Variants in SLC24A4 observed in about 807,000 individuals in gnomAD.
SLC24A4 encodes the protein solute carrier family 24 member 4.
SLC24A4 carries 53 observed loss-of-function variants against 79.0 expected under a neutral mutation model. The ratio of observed to expected loss-of-function variants is 0.67; its 90% CI spans 0.54 to 0.84. SLC24A4 has a LOEUF of 0.84. Ranked by LOEUF, SLC24A4 falls within the 40% of genes least tolerant of loss-of-function variation. The pLI, the probability that SLC24A4 is intolerant of heterozygous loss-of-function variation, is 0.00. For synonymous variants in SLC24A4, 323 were observed against 323.8 expected (o/e 1.00, Z 0.03); for missense variants, 731 against 822.0 (o/e 0.89, Z 1.35).
intron 2 of SLC24A4, among the ~76,000 whole-genome samples, chr14:92,369,484 G>T (rs1432308714): frequency 1.1e-4 from 17 of 152,186 alleles, no homozygotes. Flanking sequence ...CTAGAAGAAA[G>T]GAGACTGTGG....
intron 2 of SLC24A4, among the ~76,000 whole-genome samples, chr14:92,409,571 A>G (rs978588997): frequency 1.3e-5 from 2 of 152,196 alleles, no homozygotes; most frequent in Admixed American, 6.5e-5. Flanking sequence ...TGCCCATGTC[A>G]CCAGCATCCA....
At chr14:92,413,038 G>C (rs1408085734) in intron 2 of SLC24A4, among the ~76,000 whole-genome samples, 1 of 152,332 alleles carries the variant, frequency 6.6e-6, no homozygotes, top group Admixed American at 6.5e-5. Flanking sequence ...CTGCTTTCAT[G>C]CCACAGCGGC....
chr14:92,489,529 C>T (rs1031765773), intron 14 of SLC24A4, among the ~76,000 whole-genome samples: 2 of 152,120 alleles, frequency 1.3e-5, no homozygotes, highest in Non-Finnish European at 2.9e-5. Context: ...TGCTCTAACC[C>T]GAGGCACCAT....
rs115615175 is a variant in SLC24A4, at chr14:92,473,792, A to C, written c.1256-8888A>C. On this transcript the variant is annotated intron_variant, in intron 12 of 16. Transcript: ENST00000532405. ...CACAATTTTAGCCACATGCACGCCGAAATCGGTTCCAATTTCAGCATCCTC... is the reference window on the plus strand; with the variant it reads ...CACAATTTTAGCCACATGCACGCCGCAATCGGTTCCAATTTCAGCATCCTC... Among the ~76,000 whole-genome samples the C allele has an allele frequency of 8.3e-3, 1,262 of 152,232 alleles. 17 individuals are homozygous for C. Among genetic ancestry groups the C allele is most frequent in the African/African-American group, 0.029 (1,200 of 41,518 alleles).
intron 2 of SLC24A4, among the ~76,000 whole-genome samples, chr14:92,431,438 T>G (rs527609432): frequency 2.0e-5 from 3 of 152,326 alleles, no homozygotes; most frequent in Admixed American, 1.3e-4. Flanking sequence ...GTGGGACATC[T>G]GCAGTTCCAA....
chr14:92,471,503 C>A (rs1201158401), intron 12 of SLC24A4, among the ~76,000 whole-genome samples: 1 of 152,148 alleles, frequency 6.6e-6, no homozygotes, highest in Admixed American at 6.5e-5. Flanking sequence ...GAGGAAAGGG[C>A]AATGGGTATT....
At chr14:92,489,466 C>T (rs1895554527) in intron 14 of SLC24A4, among the ~76,000 whole-genome samples, 1 of 152,088 alleles carries the variant, frequency 6.6e-6, no homozygotes, top group South Asian at 2.1e-4. Flanking sequence ...GACAAAAGAT[C>T]CAGGAACCCC....
chr14:92,436,962 ATACC>A (rs1216168775), intron 3 of SLC24A4, among the ~76,000 whole-genome samples: 2 of 152,206 alleles, frequency 1.3e-5, no homozygotes, highest in African/African-American at 4.8e-5. Context: ...AATCCAGTAG[ATACC>A]TGCCTCAGAT....
Position 92,498,798 on chromosome 14 carries a change from A to G in SLC24A4, c.*5170A>G, listed in dbSNP as rs1314864739. 6.6e-6 allele frequency: 1 copy of G among 152,208 alleles called. No homozygotes were observed. The highest frequency in any genetic ancestry group is 1.5e-5 in the Non-Finnish European group (1 of 68,062). The allele number at this position is 152,208 out of a possible 1,614,324, so 9.4% of individuals were successfully genotyped here. A position where few individuals can be genotyped will look rare whatever the true frequency, so the allele number is the denominator to read the frequency against. ...CAGGCGTGAGCCACCGCACCTGGCC[A>G]AAAAAAGGCATTTTGATTTAGGTTG... On this transcript the variant is annotated 3_prime_UTR_variant, in exon 17 of 17. Transcript: ENST00000532405.
At chr14:92,393,922 A>G (rs1253432129) in intron 2 of SLC24A4, among the ~76,000 whole-genome samples, 2 of 151,390 alleles carry the variant, frequency 1.3e-5, no homozygotes, top group Non-Finnish European at 2.9e-5. Flanking sequence ...GAGGCAGGAG[A>G]ATCACTTGAA....
At chr14:92,366,857 A>G (rs1004991282) in intron 2 of SLC24A4, among the ~76,000 whole-genome samples, 1 of 152,122 alleles carries the variant, frequency 6.6e-6, no homozygotes, top group Non-Finnish European at 1.5e-5. Context: ...GATTACGTCC[A>G]TTTCTTTTCA....
chr14:92,407,731 A>G (rs1027207791), intron 2 of SLC24A4, among the ~76,000 whole-genome samples: 1 of 150,908 alleles, frequency 6.6e-6, no homozygotes, highest in Non-Finnish European at 1.5e-5. Flanking sequence ...GCAAGGGGGA[A>G]ATCTGCCCCT....
At chr14:92,424,502 A>G (rs1420984418) in intron 2 of SLC24A4, among the ~76,000 whole-genome samples, 1 of 152,160 alleles carries the variant, frequency 6.6e-6, no homozygotes, top group Non-Finnish European at 1.5e-5. Context: ...AAGGGAGCCA[A>G]CCTGTGCAGA....
At chr14:92,348,357 C>T (rs1303888680) in intron 2 of SLC24A4, among the ~76,000 whole-genome samples, 3 of 152,234 alleles carry the variant, frequency 2.0e-5, no homozygotes, top group Non-Finnish European at 4.4e-5. Context: ...GGTCAACAAA[C>T]TCTTTGTGTA....
chr14:92,364,284 G>C (rs141882476), intron 2 of SLC24A4, among the ~76,000 whole-genome samples: 2 of 152,152 alleles, frequency 1.3e-5, no homozygotes, highest in Non-Finnish European at 2.9e-5. Context: ...AGAATGGTTC[G>C]AATGGGATCA....
intron 2 of SLC24A4, among the ~76,000 whole-genome samples, chr14:92,366,588 C>T (rs928017834): frequency 6.6e-6 from 1 of 152,154 alleles, no homozygotes; most frequent in African/African-American, 2.4e-5. Flanking sequence ...AATCTCCCTG[C>T]CCTGAAATAA....
intron 12 of SLC24A4, among the ~76,000 whole-genome samples, chr14:92,480,267 A>G (rs111526981): frequency 0.029 from 3,839 of 133,630 alleles, 185 homozygotes; most frequent in African/African-American, 0.095. Context: ...AGGTTTGGAC[A>G]TTGATTTGAG....
chr14:92,501,331 T>C lies in SLC24A4; in HGVS notation c.*7703T>C, dbSNP rs969872733. 2 of 152,250 alleles carry C rather than the reference T, an allele frequency of 1.3e-5. No individual in the cohort carries two copies. Among genetic ancestry groups the C allele is most frequent in the Non-Finnish European group, 2.9e-5 (2 of 68,048 alleles). 9.4% of individuals were successfully genotyped at this position (152,250 alleles called of 1,614,324 possible). A position where few individuals can be genotyped will look rare whatever the true frequency, so the allele number is the denominator to read the frequency against. On this transcript the variant is annotated 3_prime_UTR_variant, in exon 17 of 17. Coordinates refer to ENST00000532405, the MANE Select transcript of SLC24A4 (RefSeq NM_153646.4). ...ATTAAATTTGAATGAATTGATATTA[T>C]TGGTTACTGAACACTGGCATGAGTT... is the stretch of plus-strand genomic sequence containing the variant.
At chr14:92,477,792 T>C (rs2139910845) in intron 12 of SLC24A4, among the ~76,000 whole-genome samples, 2 of 150,514 alleles carry the variant, frequency 1.3e-5, no homozygotes, top group Non-Finnish European at 3.0e-5. Flanking sequence ...CTCTTTTTTT[T>C]TTTTTTTTGA....
Sources: gnomAD v4.1 joint callset for allele counts (sites outside exome capture counted in the v4.1 genomes callset) on GRCh38, gnomAD v4.1.1 for gene constraint, MANE v1.5 for transcripts, NCBI Gene and HGNC (gene_info 2026-07-23, HGNC 2026-07-21) for gene names.